ACAD10: variants seen among roughly 807,000 people sequenced by gnomAD.
ACAD10 encodes acyl-CoA dehydrogenase family member 10.
ACAD10 carries 112 observed loss-of-function variants against 116.8 expected under a neutral mutation model. The observed-to-expected ratio is 0.96, with a 90% CI of 0.82 to 1.12. The LOEUF (loss-of-function observed/expected upper bound fraction) is 1.12, where lower values mean the gene tolerates loss of function less well. Ranked by LOEUF, ACAD10 falls within the 50% of genes most tolerant of loss-of-function variation. ACAD10 has a pLI of 0.00. For missense variants in ACAD10, 1,259 were observed against 1,350.2 expected, an observed-to-expected ratio of 0.93 and a Z score of 1.06; for synonymous variants, 486 against 510.6, an observed-to-expected ratio of 0.95 and a Z score of 0.65.
At chr12:111,686,723 AAG>A (rs756472606) in intron 1 of ACAD10, among the ~76,000 whole-genome samples, 5 of 152,338 alleles carry the variant, frequency 3.3e-5, no homozygotes, top group East Asian at 1.9e-4. Context: ...TCTCAAAAAA[AAG>A]AGAGAAAAGA....
chr12:111,689,445 C>G (rs1409332451), intron 1 of ACAD10, among the ~76,000 whole-genome samples: 1 of 151,756 alleles, frequency 6.6e-6, no homozygotes, highest in Non-Finnish European at 1.5e-5. Flanking sequence ...AATCTTGGTT[C>G]ACTGCAACCT....
At chr12:111,709,441 CT>C in intron 4 of ACAD10, 84 bp from the exon 5 acceptor site, 1 of 1,177,180 alleles carries the variant, frequency 8.5e-7, no homozygotes, top group South Asian at 1.9e-5. Context: ...CCTTCTTATG[CT>C]TTTCCTCTCA....
rs1209781354 is a variant in ACAD10, at chr12:111,729,871, A to G, written c.1309A>G (p.Ile437Val). 1.9e-6 allele frequency: 3 copies of G among 1,614,030 alleles called. No individual in the cohort carries two copies. Among genetic ancestry groups the G allele is most frequent in the East Asian group, 2.2e-5 (1 of 44,886 alleles). The stretch of plus-strand genomic sequence containing the variant: ...GTATCGAGCTTCCGAAACTAGCACC[A>G]TCCCAGCCATGGAGAGGCTGATCGA... ...KQYRASETST[I>V]PAMERLIEWL... is the part of the protein sequence containing the mutation. Residue 437 changes from isoleucine to valine, a missense_variant, in exon 10 of 21, where the codon ATC becomes GTC. Physicochemically the swap from Ile to Val is conservative, Grantham distance 29. Coordinates refer to ENST00000313698, the MANE Select transcript of ACAD10 (RefSeq NM_025247.6).
intron 7 of ACAD10, among the ~76,000 whole-genome samples, chr12:111,719,725 G>C (rs1298870013): frequency 6.6e-6 from 1 of 151,736 alleles, no homozygotes; most frequent in Non-Finnish European, 1.5e-5. Flanking sequence ...GCTAATTTTT[G>C]TATTATTTTT....
Position 111,705,881 on chromosome 12 carries a change from T to G in ACAD10, c.480T>G (p.Tyr160Ter). The change falls in exon 4 of 21, where the codon TAT (tyrosine) becomes TAG (stop). Residue 160 changes from tyrosine (Y) to a stop codon, truncating the protein, a stop_gained. Transcript: ENST00000313698. LOFTEE classifies it high-confidence loss of function. ...CTGCAGTCTTGAGCAATAATTTTTA[T>G]CTTCCCAACCAGAAAAGCTTTTTGC... ...LQTAVLSNNF[Y>*]LPNQKSFLPL... 1.2e-6 allele frequency: 2 copies of G among 1,614,188 alleles called. No individual in the cohort carries two copies. The highest frequency in any genetic ancestry group is 1.7e-6 in the Non-Finnish European group (2 of 1,180,034).
Position 111,707,894 on chromosome 12 carries a change from G to A in ACAD10, c.532-1632G>A, listed in dbSNP as rs118110768. On this transcript the variant is annotated intron_variant, in intron 4 of 20. Coordinates refer to ENST00000313698, the MANE Select transcript of ACAD10 (RefSeq NM_025247.6). ...TTCCCTGGAGGCTTTCATTGAGTAT[G>A]TCTAGTTGGGATCCAGGCATGTGTA... Among the ~76,000 whole-genome samples, 304 of 152,326 alleles carry A rather than the reference G, an allele frequency of 2.0e-3. 2 individuals carry two copies. The highest frequency in any genetic ancestry group is 3.5e-3 in the Non-Finnish European group (240 of 68,020).
intron 10 of ACAD10, among the ~76,000 whole-genome samples, chr12:111,731,338 G>A (rs1310442101): frequency 1.3e-5 from 2 of 152,260 alleles, no homozygotes; most frequent in East Asian, 1.9e-4. Flanking sequence ...CAGTTGGGCT[G>A]CATTTGACCC....
At position 111,727,739 on chromosome 12, in the gene ACAD10, A is replaced by G. The variant is rs187609044; in HGVS notation, c.1062-223A>G. Among the ~76,000 whole-genome samples the G allele has an allele frequency of 9.2e-5, 14 of 152,044 alleles. No homozygotes were observed. The East Asian group carries it at 2.7e-3, about 29-fold the overall frequency. On this transcript the variant is annotated intron_variant, in intron 8 of 20. Transcript: ENST00000313698. ...TGTGTGTGTGCACGTGTGTATGTAT[A>G]TGTGTGTGTGCATGTATGTGGATCG...
At chr12:111,724,780 C>T (rs952696400) in intron 8 of ACAD10, among the ~76,000 whole-genome samples, 3 of 150,806 alleles carry the variant, frequency 2.0e-5, no homozygotes, top group Non-Finnish European at 3.0e-5. Context: ...AGAGGGAGAC[C>T]GTGGAAAGAG....
intron 9 of ACAD10, among the ~76,000 whole-genome samples, chr12:111,729,063 C>T (rs1362765441): frequency 6.6e-6 from 1 of 152,118 alleles, no homozygotes; most frequent in African/African-American, 2.4e-5. Flanking sequence ...TGAGGACCAT[C>T]TCAAGATGAG....
At chr12:111,752,474 G>A (rs1341357276) in intron 18 of ACAD10, among the ~76,000 whole-genome samples, 2 of 151,920 alleles carry the variant, frequency 1.3e-5, no homozygotes, top group Non-Finnish European at 2.9e-5. Context: ...CAGGTGTGGT[G>A]GCAGGCACCT....
At chr12:111,704,201 G>A (rs1489057584) in intron 3 of ACAD10, among the ~76,000 whole-genome samples, 1 of 151,246 alleles carries the variant, frequency 6.6e-6, no homozygotes, top group African/African-American at 2.4e-5. Flanking sequence ...GAGTGCAGTG[G>A]AGCAATCTCG....
intron 10 of ACAD10, among the ~76,000 whole-genome samples, chr12:111,733,259 A>G (rs1407271844): frequency 6.6e-6 from 1 of 152,106 alleles, no homozygotes; most frequent in Non-Finnish European, 1.5e-5. Context: ...TACCACGCTC[A>G]GCTAATTTTT....
At chr12:111,749,132 G>A in intron 17 of ACAD10, 41 bp from the exon 18 acceptor site, 1 of 1,613,740 alleles carries the variant, frequency 6.2e-7, no homozygotes, top group South Asian at 1.1e-5. Flanking sequence ...CAAGGAAAAT[G>A]ACTATGGCTA....
intron 11 of ACAD10, among the ~76,000 whole-genome samples, chr12:111,734,692 A>G (rs1186280441): frequency 2.6e-5 from 4 of 152,146 alleles, no homozygotes; most frequent in East Asian, 1.9e-4. Flanking sequence ...CAACAACAAA[A>G]CAGTTAAAAT....
rs968505845 is a variant in ACAD10, at chr12:111,723,727, G to C, written c.1061+1988G>C. ...CTCCCGGACGGGGTGGCTGCCCGGC[G>C]GAGACGCTCCTCACTTCCCAGATGG... On this transcript the variant is annotated intron_variant, in intron 8 of 20. Transcript: ENST00000313698. Among the ~76,000 whole-genome samples the C allele has an allele frequency of 2.7e-5, 4 of 149,812 alleles. No homozygotes were observed. The East Asian group carries it at 8.1e-4, about 30-fold the overall frequency.
At chr12:111,742,921 G>A (rs1466178668) in intron 12 of ACAD10, among the ~76,000 whole-genome samples, 1 of 152,066 alleles carries the variant, frequency 6.6e-6, no homozygotes, top group Admixed American at 6.6e-5. Context: ...TGTTGCCCAG[G>A]CTGGTCTCGA....
chr12:111,715,986 C>A (rs774963082), intron 7 of ACAD10, 24 bp downstream of exon 7: 1 of 1,613,544 alleles, frequency 6.2e-7, no homozygotes, highest in Non-Finnish European at 8.5e-7. Flanking sequence ...GCCAGGGGAG[C>A]ACTTGCCCAC....
At chr12:111,700,324 G>A (rs980074692) in intron 2 of ACAD10, among the ~76,000 whole-genome samples, 2 of 152,196 alleles carry the variant, frequency 1.3e-5, no homozygotes, top group African/African-American at 2.4e-5. Flanking sequence ...CACCTTATTA[G>A]TATACATTTA....
Sources: allele counts gnomAD v4.1 joint callset (sites outside exome capture counted in the v4.1 genomes callset), GRCh38; gene constraint gnomAD v4.1.1; transcripts MANE v1.5; gene names NCBI Gene and HGNC (gene_info 2026-07-23, HGNC 2026-07-21).